The following ASTN2 variants were observed in gnomAD, a reference collection of about 807,000 sequenced individuals.
ASTN2 encodes astrotactin-2.
Under a neutral mutation model 139.8 loss-of-function variants are expected in ASTN2, and 54 were observed. The observed-to-expected ratio is 0.39, with a 90% confidence interval of 0.31 to 0.48. ASTN2 has a LOEUF of 0.48. Among genes scored for constraint, ASTN2 ranks in the 20% least tolerant of loss-of-function variants. ASTN2 has a pLI of 0.95. For synonymous variants in ASTN2, 756 were observed against 719.5 expected (o/e 1.05, Z -0.81); for missense variants, 1,565 against 1,725.1 (o/e 0.91, Z 1.64).
chr9:117,019,024 C>T lies in ASTN2; in HGVS notation c.1424-10765G>A, dbSNP rs554412271. Among the ~76,000 whole-genome samples the T allele has an allele frequency of 4.6e-5, 7 of 152,176 alleles. No individual in the cohort carries two copies. In the South Asian group the frequency reaches 1.5e-3, roughly 32 times the overall value. On this transcript the variant is annotated intron_variant, in intron 6 of 22. Coordinates refer to ENST00000313400, the MANE Select transcript of ASTN2 (RefSeq NM_001365068.1). ...TAACACATGGCTGCCTCGCATTCTG[C>T]TTGCTTCAAGGAAAACCTATCCACA...
intron 5 of ASTN2, among the ~76,000 whole-genome samples, chr9:117,092,764 C>G (rs1828737227): frequency 6.6e-6 from 1 of 152,140 alleles, no homozygotes; most frequent in South Asian, 2.1e-4. Flanking sequence ...GGCTCACACA[C>G]CCCTGGGCAG....
chr9:116,607,617 G>A (rs1019485367), intron 19 of ASTN2, among the ~76,000 whole-genome samples: 1 of 149,272 alleles, frequency 6.7e-6, no homozygotes, highest in East Asian at 2.0e-4. Flanking sequence ...TGGATTAAAT[G>A]GAATAACAAG....
intron 11 of ASTN2, among the ~76,000 whole-genome samples, chr9:116,825,168 A>G (rs1831593122): frequency 6.6e-6 from 1 of 152,182 alleles, no homozygotes; most frequent in Non-Finnish European, 1.5e-5. Flanking sequence ...AGACAAGAAT[A>G]TGAGGACTAA....
intron 7 of ASTN2, among the ~76,000 whole-genome samples, chr9:116,977,732 TGAGA>T (rs1836390309): frequency 1.9e-5 from 2 of 105,664 alleles, no homozygotes; most frequent in South Asian, 3.6e-4. Flanking sequence ...TTTTTTTTTT[TGAGA>T]CTGAGAGTCT....
Position 116,423,742 on chromosome 9 carries a change from A to G in ASTN2, c.*2109T>C, listed in dbSNP as rs527428909. Among the ~76,000 whole-genome samples the G allele has an allele frequency of 9.9e-5, 15 of 152,200 alleles. No individual in the cohort carries two copies. The highest frequency in any genetic ancestry group is 3.6e-4 in the African/African-American group (15 of 41,486). On this transcript the variant is annotated 3_prime_UTR_variant, in exon 23 of 23. Coordinates refer to ENST00000313400, the MANE Select transcript of ASTN2 (RefSeq NM_001365068.1). ...AAGCTTCCCAGGCACCAAGGTTGGAAGAATCTCTTTCTGCTTTGTTTTCTT... is the reference window on the plus strand; with the variant it reads ...AAGCTTCCCAGGCACCAAGGTTGGAGGAATCTCTTTCTGCTTTGTTTTCTT...
chr9:116,941,435 C>G (rs1434460936), intron 10 of ASTN2, among the ~76,000 whole-genome samples: 1 of 151,942 alleles, frequency 6.6e-6, no homozygotes, highest in Non-Finnish European at 1.5e-5. Flanking sequence ...ACATAACTAT[C>G]CAGGAAGAAC....
At chr9:116,527,899 T>C (rs1851163981) in intron 19 of ASTN2, among the ~76,000 whole-genome samples, 1 of 152,162 alleles carries the variant, frequency 6.6e-6, no homozygotes, top group Non-Finnish European at 1.5e-5. Context: ...ACCACTACTG[T>C]AAGCTTCCTG....
rs552065854 is a variant in ASTN2 at position 117,240,162 on chromosome 9, C to T, written c.631-25420G>A. ...GATTGAGAGAGTTTAAGTAATCTGTCTATGGTCACACTGGTGACTAAGATG... is the reference window on the plus strand; with the variant it reads ...GATTGAGAGAGTTTAAGTAATCTGTTTATGGTCACACTGGTGACTAAGATG... On this transcript the variant is annotated intron_variant, in intron 2 of 22. Coordinates refer to ENST00000313400, the MANE Select transcript of ASTN2 (RefSeq NM_001365068.1). Among the ~76,000 whole-genome samples, 79 of 152,256 alleles carry T rather than the reference C, an allele frequency of 5.2e-4. No homozygotes were observed. In the Middle Eastern group the frequency reaches 0.01, roughly 20 times the overall value.
At chr9:116,463,682 C>T (rs559668390) in intron 20 of ASTN2, among the ~76,000 whole-genome samples, 36 of 152,250 alleles carry the variant, frequency 2.4e-4, no homozygotes, top group African/African-American at 8.4e-4. Context: ...GAAGACAGCT[C>T]CCTCTCCTGT....
intron 6 of ASTN2, among the ~76,000 whole-genome samples, chr9:117,015,709 G>A (rs949329432): frequency 1.3e-5 from 2 of 152,236 alleles, no homozygotes; most frequent in South Asian, 4.1e-4. Context: ...ATGCTGAGAT[G>A]TTCCAGTGGT....
rs16934434 is a variant in ASTN2, at chr9:117,256,012, T to C, written c.630+35314A>G. 3.9e-3 allele frequency among the ~76,000 whole-genome samples: 594 copies of C among 152,260 alleles called. 16 individuals are homozygous for C. The highest frequency in any genetic ancestry group is 0.031 in the Admixed American group (471 of 15,294). On this transcript the variant is annotated intron_variant, in intron 2 of 22. Transcript: ENST00000313400. ...AAATTTGGTCTGAATGAAAATGATG[T>C]CCACAAGAATAAAATCCTTTCACTT...
chr9:116,732,941 G>A (rs562430998), intron 14 of ASTN2, among the ~76,000 whole-genome samples: 3 of 152,250 alleles, frequency 2.0e-5, no homozygotes, highest in Admixed American at 6.5e-5. Context: ...CAGTGCCCAC[G>A]TACAAAAACG....
intron 1 of ASTN2, among the ~76,000 whole-genome samples, chr9:117,345,774 T>C (rs1041343269): frequency 2.0e-5 from 3 of 152,140 alleles, no homozygotes; most frequent in Non-Finnish European, 4.4e-5. Context: ...ATGCTACAGA[T>C]TGTTACCAGA....
intron 16 of ASTN2, among the ~76,000 whole-genome samples, chr9:116,676,204 T>C (rs1381606974): frequency 2.6e-5 from 4 of 152,118 alleles, no homozygotes; most frequent in African/African-American, 7.2e-5. Flanking sequence ...GCAAAAAGGG[T>C]AAGAAATTCT....
At chr9:117,142,943 A>T (rs1394319755) in intron 3 of ASTN2, among the ~76,000 whole-genome samples, 1 of 152,144 alleles carries the variant, frequency 6.6e-6, no homozygotes, top group Non-Finnish European at 1.5e-5. Flanking sequence ...GGATGTGCCA[A>T]CAATTTCTGT....
intron 10 of ASTN2, among the ~76,000 whole-genome samples, chr9:116,909,884 G>T (rs1396884939): frequency 6.6e-6 from 1 of 152,200 alleles, no homozygotes; most frequent in Non-Finnish European, 1.5e-5. Context: ...GCCAGATGGA[G>T]GTCATTGGGA....
At chr9:116,490,350 A>G (rs6478241) in intron 19 of ASTN2, among the ~76,000 whole-genome samples, 78,357 of 143,168 alleles carry the variant, frequency 0.55, 22,872 homozygotes, top group South Asian at 0.69. Context: ...AAAAGACATG[A>G]GATTATTCAC....
intron 5 of ASTN2, among the ~76,000 whole-genome samples, chr9:117,054,491 A>G (rs1839001403): frequency 6.6e-6 from 1 of 152,230 alleles, no homozygotes; most frequent in Admixed American, 6.5e-5. Flanking sequence ...CCAGTGAGGT[A>G]GTGGGCCAAT....
intron 19 of ASTN2, among the ~76,000 whole-genome samples, chr9:116,594,518 A>T (rs1388004174): frequency 7.2e-5 from 11 of 152,214 alleles, no homozygotes; most frequent in Admixed American, 7.2e-4. Context: ...AAGACTGTCC[A>T]CGTAGCTAAT....
Sources: allele counts gnomAD v4.1 joint callset (sites outside exome capture counted in the v4.1 genomes callset), GRCh38; gene constraint gnomAD v4.1.1; transcripts MANE v1.5; gene names NCBI Gene and HGNC (gene_info 2026-07-23, HGNC 2026-07-21).